Variants in TJP1 observed in about 807,000 individuals in gnomAD.
The protein encoded by TJP1 is tight junction protein 1.
A neutral mutation model predicts 194.2 loss-of-function variants in TJP1; 43 were observed. The ratio of observed to expected loss-of-function variants is 0.22; its 90% confidence interval spans 0.17 to 0.29. TJP1 has a LOEUF of 0.29. TJP1 is among the 10% of genes least tolerant of loss of function. TJP1 has a pLI of 1.00. For synonymous variants in TJP1, 801 were observed against 779.0 expected, an observed-to-expected ratio of 1.03 and a Z score of -0.47; for missense variants, 1,971 against 2,185.7, an observed-to-expected ratio of 0.90 and a Z score of 1.96.
At chr15:29,885,745 G>A (rs1255959912) in intron 2 of TJP1, among the ~76,000 whole-genome samples, 1 of 152,174 alleles carries the variant, frequency 6.6e-6, no homozygotes, top group Non-Finnish European at 1.5e-5. Context: ...CTCTATTTCA[G>A]TAAAGAGCAA....
intron 2 of TJP1, among the ~76,000 whole-genome samples, chr15:29,854,693 C>T (rs1053909274): frequency 5.3e-5 from 8 of 152,132 alleles, no homozygotes; most frequent in African/African-American, 1.7e-4. Context: ...AGGATGGCAG[C>T]CACAGGAACA....
At chr15:29,890,754 C>T (rs2053277246) in intron 2 of TJP1, among the ~76,000 whole-genome samples, 1 of 151,592 alleles carries the variant, frequency 6.6e-6, no homozygotes, top group Non-Finnish European at 1.5e-5. Context: ...TATCAAACTG[C>T]TAATGGGGGA....
chr15:29,932,909 T>C (rs1054426986), intron 2 of TJP1, among the ~76,000 whole-genome samples: 7 of 152,224 alleles, frequency 4.6e-5, no homozygotes, highest in Admixed American at 2.0e-4. Flanking sequence ...ATTAGAACTA[T>C]TGAAAACAAT....
At chr15:29,935,662 G>GC in intron 2 of TJP1, among the ~76,000 whole-genome samples, 1 of 152,034 alleles carries the variant, frequency 6.6e-6, no homozygotes, top group South Asian at 2.1e-4. Flanking sequence ...TCTCTTAAAT[G>GC]CTCACATCTA....
intron 2 of TJP1, among the ~76,000 whole-genome samples, chr15:29,835,147 C>A (rs1280963167): frequency 1.3e-5 from 2 of 152,076 alleles, no homozygotes; most frequent in Non-Finnish European, 2.9e-5. Context: ...AGCTGAAGAT[C>A]TTTTTCATCC....
At position 29,705,423 on chromosome 15, in the gene TJP1, GA is replaced by G. The variant is rs1480960736; in HGVS notation, c.5068+104del. ...CACCCCTCGCTACAGCACTCATCTG[GA>G]GATAGAGAGGTGCTGCATTATTAGC... On this transcript the variant is annotated intron_variant, in intron 26 of 27. Coordinates refer to ENST00000614355, the MANE Select transcript of TJP1 (RefSeq NM_001330239.4). 14 of 1,183,666 alleles carry G rather than the reference GA, an allele frequency of 1.2e-5. No individual in the cohort carries two copies. In the Admixed American group the frequency reaches 1.9e-4, roughly 16 times the overall value. 73.3% of individuals were successfully genotyped at this position (1,183,666 alleles called of 1,614,324 possible). A position where few individuals can be genotyped will look rare whatever the true frequency, so the allele number is the denominator to read the frequency against.
intron 8 of TJP1, among the ~76,000 whole-genome samples, chr15:29,746,659 G>C (rs908185833): frequency 4.6e-5 from 7 of 151,786 alleles, no homozygotes; most frequent in Admixed American, 2.0e-4. Flanking sequence ...TTATAATAAA[G>C]ATTGAAAAAA....
At chr15:29,776,629 ATGAG>A (rs1690117645) in intron 2 of TJP1, among the ~76,000 whole-genome samples, 1 of 152,172 alleles carries the variant, frequency 6.6e-6, no homozygotes, top group African/African-American at 2.4e-5. Flanking sequence ...TACACTCTGA[ATGAG>A]TATTTTATCC....
chr15:29,780,113 A>AT (rs1486956827), intron 2 of TJP1, among the ~76,000 whole-genome samples: 2 of 151,998 alleles, frequency 1.3e-5, no homozygotes, highest in Admixed American at 1.3e-4. Flanking sequence ...TTTGAAGACA[A>AT]TTTTTCCACA....
intron 2 of TJP1, among the ~76,000 whole-genome samples, chr15:29,844,020 G>C (rs1410342875): frequency 6.6e-6 from 1 of 152,198 alleles, no homozygotes; most frequent in Admixed American, 6.5e-5. Context: ...CTGGGCTAGG[G>C]TGGGCAGAGC....
intron 4 of TJP1, among the ~76,000 whole-genome samples, chr15:29,771,420 T>C (rs1487897430): frequency 6.6e-6 from 1 of 152,192 alleles, no homozygotes; most frequent in African/African-American, 2.4e-5. Context: ...ATGGAACCAC[T>C]GTCAGATATG....
intron 15 of TJP1, chr15:29,731,081 T>A: frequency 1.4e-5 from 6 of 443,598 alleles, no homozygotes; most frequent in East Asian, 4.0e-5. Context: ...TTGTTTTACT[T>A]TTTTTTTTTT....
At position 29,705,702 on chromosome 15, in the gene TJP1, C is replaced by G. The variant is rs1443418679; in HGVS notation, c.4894G>C (p.Val1632Leu). ...AATATGCCTCGGGCTGTGGCCACCA[C>G]AGTATGACCATCTTCATCTTCATCC... ...EEDEDEDGHT[V>L]VATARGIFNS... The change falls in exon 26 of 28, where the codon GTG becomes CTG. Residue 1632 changes from valine (V) to leucine (L), a missense_variant. Physicochemically the swap from Val to Leu is conservative, Grantham distance 32 (BLOSUM62 1). Transcript: ENST00000614355. 2 of 1,614,160 alleles carry G rather than the reference C, an allele frequency of 1.2e-6. No individual in the cohort carries two copies. Among genetic ancestry groups the G allele is most frequent in the East Asian group, 2.2e-5 (1 of 44,866 alleles).
chr15:29,808,318 T>G (rs1254748761), intron 1 of TJP1, among the ~76,000 whole-genome samples: 1 of 152,076 alleles, frequency 6.6e-6, no homozygotes, highest in Non-Finnish European at 1.5e-5. Flanking sequence ...CTGTTAGAAG[T>G]TGGGACAGGG....
intron 2 of TJP1, 48 bp from the exon 3 acceptor site, chr15:29,773,405 T>C (rs770844767): frequency 2.5e-6 from 4 of 1,582,722 alleles, no homozygotes; most frequent in African/African-American, 1.3e-5. Context: ...ACAAAAATAA[T>C]TGTTATATCA....
rs780343816 is a variant in TJP1 at position 29,761,141 on chromosome 15, G to T, written c.1008C>A (p.Gly336=). The T allele has an allele frequency of 6.9e-6, 11 of 1,593,614 alleles. No homozygotes were observed. The highest frequency in any genetic ancestry group is 9.4e-6 in the Non-Finnish European group (11 of 1,170,086). The part of the protein sequence containing the change: ...SRHSPQQPSN[G]SLRSRDEERI... Reference sequence around the variant, plus strand: ...TTTAAAAAAATAGGGTGTCTTACCTGCCATTGCTTGGCTGCTGCGGCGAGT... The same window carrying T: ...TTTAAAAAAATAGGGTGTCTTACCTTCCATTGCTTGGCTGCTGCGGCGAGT... Residue 336 remains glycine, a splice_region_variant and synonymous_variant, in exon 8 of 28, where the codon GGC becomes GGA. Transcript: ENST00000614355.
intron 2 of TJP1, among the ~76,000 whole-genome samples, chr15:29,953,314 G>A (rs990584858): frequency 5.9e-5 from 9 of 151,784 alleles, no homozygotes; most frequent in Non-Finnish European, 1.2e-4. Flanking sequence ...GCTAATTTTT[G>A]TCTTTTTAAT....
Position 29,763,239 on chromosome 15 carries a change from T to C in TJP1, c.590-801A>G, listed in dbSNP as rs574277126. Among the ~76,000 whole-genome samples, 3 of 152,334 alleles carry C rather than the reference T, an allele frequency of 2.0e-5. No individual in the cohort carries two copies. The South Asian group carries it at 6.2e-4, about 32-fold the overall frequency. The stretch of plus-strand genomic sequence containing the variant: ...GAATGTTGGAAGTTGAGGAAATTAC[T>C]AGCAGAGTCCAGAGAACTGCCCAGG... On this transcript the variant is annotated intron_variant, in intron 5 of 27. Transcript: ENST00000614355.
At chr15:29,811,758 T>C (rs1300228138) in intron 1 of TJP1, among the ~76,000 whole-genome samples, 5 of 152,160 alleles carry the variant, frequency 3.3e-5, no homozygotes, top group Admixed American at 1.3e-4. Context: ...TACAGGCTGA[T>C]TGATCTTTGT....
Sources: allele counts gnomAD v4.1 joint callset (sites outside exome capture counted in the v4.1 genomes callset), GRCh38; gene constraint gnomAD v4.1.1; transcripts MANE v1.5; gene names NCBI Gene and HGNC (gene_info 2026-07-23, HGNC 2026-07-21).